SEMA6D: variants seen among roughly 807,000 people sequenced by gnomAD.
SEMA6D encodes semaphorin 6D, also known as semaphorin-6D.
Under a neutral mutation model 106.6 loss-of-function variants are expected in SEMA6D, and 35 were observed. The observed-to-expected ratio is 0.33, with a 90% CI of 0.25 to 0.44. The LOEUF is 0.44. SEMA6D is among the 20% of genes least tolerant of loss of function. SEMA6D has a pLI of 1.00. For synonymous variants in SEMA6D, 499 were observed against 487.7 expected, an observed-to-expected ratio of 1.02 and a Z score of -0.31; for missense variants, 1,185 against 1,345.9, an observed-to-expected ratio of 0.88 and a Z score of 1.87.
chr15:47,670,359 A>G (rs191071056), intron 4 of SEMA6D, among the ~76,000 whole-genome samples: 4 of 152,294 alleles, frequency 2.6e-5, no homozygotes, highest in Non-Finnish European at 5.9e-5. Context: ...CTGAGAAGTA[A>G]TTAGCCCTTA....
At chr15:47,458,403 A>G (rs2042406996) in intron 2 of SEMA6D, among the ~76,000 whole-genome samples, 1 of 152,124 alleles carries the variant, frequency 6.6e-6, no homozygotes, top group South Asian at 2.1e-4. Context: ...AATAACAAAA[A>G]TACACATTAT....
chr15:47,752,430 G>A (rs74011234), intron 1 of SEMA6D, among the ~76,000 whole-genome samples: 4,094 of 152,272 alleles, frequency 0.027, 126 homozygotes, highest in East Asian at 0.14. Context: ...AACACAGAAA[G>A]TAGAAGAATG....
intron 1 of SEMA6D, among the ~76,000 whole-genome samples, chr15:47,366,511 A>C (rs1307818318): frequency 1.3e-5 from 2 of 152,218 alleles, no homozygotes; most frequent in East Asian, 3.8e-4. Context: ...GGAAAATTAC[A>C]CTGCAGGCCC....
chr15:47,208,222 A>T (rs991697561), intron 1 of SEMA6D, among the ~76,000 whole-genome samples: 2 of 152,130 alleles, frequency 1.3e-5, no homozygotes, highest in African/African-American at 4.8e-5. Context: ...TGGGATTATT[A>T]TACTGATTAA....
intron 3 of SEMA6D, among the ~76,000 whole-genome samples, chr15:47,553,524 A>G (rs1282403177): frequency 6.6e-6 from 1 of 152,148 alleles, no homozygotes; most frequent in African/African-American, 2.4e-5. Context: ...CTGAAAGAGC[A>G]TGTTTAAAGG....
At chr15:47,307,576 C>T (rs1202068346) in intron 1 of SEMA6D, among the ~76,000 whole-genome samples, 1 of 151,670 alleles carries the variant, frequency 6.6e-6, no homozygotes, top group Non-Finnish European at 1.5e-5. Flanking sequence ...GAGCTTAGTA[C>T]ATCTCATTAC....
At chr15:47,766,732 G>A (rs603569) in intron 16 of SEMA6D, 55 bp downstream of exon 16, 299,204 of 1,162,482 alleles carry the variant, frequency 0.26, 40,294 homozygotes, top group South Asian at 0.29. Context: ...ACATTTGCAC[G>A]TCGACATTAT....
At chr15:47,573,641 A>G (rs1489250492) in intron 3 of SEMA6D, among the ~76,000 whole-genome samples, 2 of 152,134 alleles carry the variant, frequency 1.3e-5, no homozygotes, top group African/African-American at 4.8e-5. Context: ...TTCATCTCTC[A>G]TAGTTAACAT....
At chr15:47,308,876 A>G (rs1447666217) in intron 1 of SEMA6D, among the ~76,000 whole-genome samples, 1 of 152,226 alleles carries the variant, frequency 6.6e-6, no homozygotes, top group Non-Finnish European at 1.5e-5. Flanking sequence ...AAGTTCTACA[A>G]CTAACCCATT....
chr15:47,618,260 C>A (rs1259095298), intron 4 of SEMA6D, among the ~76,000 whole-genome samples: 2 of 152,162 alleles, frequency 1.3e-5, no homozygotes, highest in African/African-American at 2.4e-5. Context: ...ATCAGACTGT[C>A]CTAAAAGAGC....
chr15:47,186,981 C>G (rs1161018334), intron 1 of SEMA6D, among the ~76,000 whole-genome samples: 1 of 151,830 alleles, frequency 6.6e-6, no homozygotes, highest in Admixed American at 6.6e-5. Flanking sequence ...TGAAAAAGGT[C>G]TTTCTAAACT....
At chr15:47,553,726 A>T (rs1027100423) in intron 3 of SEMA6D, among the ~76,000 whole-genome samples, 1 of 151,970 alleles carries the variant, frequency 6.6e-6, no homozygotes, top group African/African-American at 2.4e-5. Flanking sequence ...AGGGCATTTC[A>T]GTGTTGTTTG....
chr15:47,566,741 C>T (rs983223320), intron 3 of SEMA6D, among the ~76,000 whole-genome samples: 1 of 152,194 alleles, frequency 6.6e-6, no homozygotes, highest in African/African-American at 2.4e-5. Context: ...ATGAATACCT[C>T]GCTCCTGAAA....
At chr15:47,573,432 C>G in intron 3 of SEMA6D, among the ~76,000 whole-genome samples, 1 of 152,192 alleles carries the variant, frequency 6.6e-6, no homozygotes, top group East Asian at 1.9e-4. Context: ...TGACAAACTT[C>G]CGTTGAATTA....
At chr15:47,251,907 ATTTTTTTTT>A (rs994788645) in intron 1 of SEMA6D, among the ~76,000 whole-genome samples, 3 of 81,998 alleles carry the variant, frequency 3.7e-5, no homozygotes, top group East Asian at 1.0e-3. Flanking sequence ...TTCTAATTGG[ATTTTTTTTT>A]TTTTTTTTTT....
At chr15:47,532,400 G>T (rs569188803) in intron 3 of SEMA6D, among the ~76,000 whole-genome samples, 1 of 152,188 alleles carries the variant, frequency 6.6e-6, no homozygotes, top group Admixed American at 6.5e-5. Context: ...TCCTCCTCTG[G>T]GTTTGCACCG....
At chr15:47,760,687 G>A (rs1467351927) in intron 3 of SEMA6D, among the ~76,000 whole-genome samples, 1 of 151,796 alleles carries the variant, frequency 6.6e-6, no homozygotes, top group Non-Finnish European at 1.5e-5. Context: ...CTTTCTTTAT[G>A]CGTTTTTAAC....
At chr15:47,639,273 G>C (rs984047112) in intron 4 of SEMA6D, among the ~76,000 whole-genome samples, 2 of 152,166 alleles carry the variant, frequency 1.3e-5, no homozygotes, top group Admixed American at 6.5e-5. Flanking sequence ...TGCCAAAGGA[G>C]CACAGCATGT....
chr15:47,422,163 T>C (rs1384699862), intron 2 of SEMA6D, among the ~76,000 whole-genome samples: 1 of 127,492 alleles, frequency 7.8e-6, no homozygotes, highest in Admixed American at 7.7e-5. Flanking sequence ...TCTTATTTTT[T>C]GCCCGCCCGC....
Sources: gnomAD v4.1 joint callset for allele counts (sites outside exome capture counted in the v4.1 genomes callset) on GRCh38, gnomAD v4.1.1 for gene constraint, MANE v1.5 for transcripts, NCBI Gene and HGNC (gene_info 2026-07-23, HGNC 2026-07-21) for gene names.